The following GABRB1 variants were observed in gnomAD, a reference collection of about 807,000 sequenced individuals.
GABRB1 encodes the protein gamma-aminobutyric acid type A receptor subunit beta1.
In GABRB1, 17 loss-of-function variants were observed where a neutral mutation model predicts 51.6. That is an observed-to-expected ratio of 0.33 (90% CI 0.23 to 0.49). The LOEUF is 0.49. Among genes scored for constraint, GABRB1 ranks in the 20% least tolerant of loss-of-function variants. The pLI is 0.99. For missense variants in GABRB1, 410 were observed against 600.6 expected, an observed-to-expected ratio of 0.68 and a Z score of 3.32; for synonymous variants, 247 against 218.9, an observed-to-expected ratio of 1.13 and a Z score of -1.14.
chr4:47,285,433 T>A (rs541152609), intron 4 of GABRB1, among the ~76,000 whole-genome samples: 1 of 152,376 alleles, frequency 6.6e-6, no homozygotes, highest in East Asian at 1.9e-4. Flanking sequence ...GTTACATTTT[T>A]ATATAGAACG....
At chr4:47,344,930 C>T (rs1459692751) in intron 5 of GABRB1, among the ~76,000 whole-genome samples, 2 of 152,022 alleles carry the variant, frequency 1.3e-5, no homozygotes, top group Non-Finnish European at 2.9e-5. Flanking sequence ...ACCATGTTGG[C>T]TAGGCTGGTC....
At chr4:47,379,984 C>A (rs1727536591) in intron 5 of GABRB1, among the ~76,000 whole-genome samples, 1 of 152,234 alleles carries the variant, frequency 6.6e-6, no homozygotes, top group East Asian at 1.9e-4. Flanking sequence ...GTAAAAGGCC[C>A]AGTTCTATAC....
intron 5 of GABRB1, among the ~76,000 whole-genome samples, chr4:47,348,743 A>T (rs986970514): frequency 6.6e-6 from 1 of 152,206 alleles, no homozygotes; most frequent in Non-Finnish European, 1.5e-5. Context: ...AGTTAATATG[A>T]TAAGATTTGT....
intron 3 of GABRB1, among the ~76,000 whole-genome samples, 176 bp from the exon 4 acceptor site, chr4:47,161,073 A>G (rs950311987): frequency 2.6e-5 from 4 of 151,960 alleles, no homozygotes; most frequent in African/African-American, 9.7e-5. Context: ...AATTACAGAC[A>G]TGATCCACAG....
At chr4:47,320,105 T>G (rs1467696343) in intron 4 of GABRB1, 22 bp from the exon 5 acceptor site, 1 of 1,491,494 alleles carries the variant, frequency 6.7e-7, no homozygotes, top group Non-Finnish European at 9.4e-7. Context: ...ATGTTTTCTT[T>G]TTTCTCTCTC....
chr4:47,069,436 A>G (rs967228361), intron 3 of GABRB1, among the ~76,000 whole-genome samples: 1 of 152,192 alleles, frequency 6.6e-6, no homozygotes, highest in African/African-American at 2.4e-5. Flanking sequence ...CATTAAAAAT[A>G]TTTATGTTGA....
At chr4:47,294,542 G>A (rs897371084) in intron 4 of GABRB1, among the ~76,000 whole-genome samples, 29 of 152,370 alleles carry the variant, frequency 1.9e-4, no homozygotes, top group African/African-American at 5.5e-4. Flanking sequence ...AGGTGGCAGC[G>A]AGGCTGGGGG....
At chr4:47,137,528 A>C (rs971308471) in intron 3 of GABRB1, among the ~76,000 whole-genome samples, 3 of 152,166 alleles carry the variant, frequency 2.0e-5, no homozygotes, top group Admixed American at 2.0e-4. Flanking sequence ...ATACATAAAG[A>C]GAGTACAATC....
chr4:47,400,526 G>GTCTCTC (rs56896606), intron 5 of GABRB1, among the ~76,000 whole-genome samples: 7,083 of 117,866 alleles, frequency 0.06, 649 homozygotes, highest in African/African-American at 0.2. Context: ...CCAGGAGGTA[G>GTCTCTC]TCTCTCTCTC....
chr4:47,194,756 G>T (rs1192290467), intron 4 of GABRB1, among the ~76,000 whole-genome samples: 1 of 152,188 alleles, frequency 6.6e-6, no homozygotes, highest in African/African-American at 2.4e-5. Context: ...AGTGGGAGAA[G>T]ATTTGTTGTC....
intron 8 of GABRB1, among the ~76,000 whole-genome samples, chr4:47,409,517 G>A (rs1328357407): frequency 1.3e-5 from 2 of 152,090 alleles, no homozygotes; most frequent in African/African-American, 2.4e-5. Flanking sequence ...TCTCTATTAT[G>A]CCACTCTTCT....
intron 3 of GABRB1, among the ~76,000 whole-genome samples, chr4:47,085,434 T>C (rs1470898631): frequency 6.6e-6 from 1 of 152,256 alleles, no homozygotes; most frequent in East Asian, 1.9e-4. Flanking sequence ...ATTCACTTTG[T>C]ATTGAAGCAA....
At chr4:46,997,663 T>C (rs1156838368) in intron 1 of GABRB1, among the ~76,000 whole-genome samples, 3 of 152,122 alleles carry the variant, frequency 2.0e-5, no homozygotes, top group Non-Finnish European at 4.4e-5. Flanking sequence ...GGTTCATCCA[T>C]GTTGTTGCAA....
intron 4 of GABRB1, among the ~76,000 whole-genome samples, chr4:47,245,085 T>A (rs1267625608): frequency 2.0e-5 from 3 of 151,684 alleles, no homozygotes; most frequent in African/African-American, 7.3e-5. Context: ...TCAACAAAAT[T>A]GATAGACCGC....
At chr4:47,407,507 A>G (rs925123731) in intron 8 of GABRB1, among the ~76,000 whole-genome samples, 1 of 152,236 alleles carries the variant, frequency 6.6e-6, no homozygotes, top group African/African-American at 2.4e-5. Context: ...GGATGGAATT[A>G]AATTTAAATG....
intron 3 of GABRB1, among the ~76,000 whole-genome samples, chr4:47,145,019 A>T (rs1717096613): frequency 6.6e-6 from 1 of 151,714 alleles, no homozygotes; most frequent in Non-Finnish European, 1.5e-5. Flanking sequence ...AATAAACTTG[A>T]CTCCCCTTGG....
intron 3 of GABRB1, among the ~76,000 whole-genome samples, chr4:47,061,748 T>C (rs762523723): frequency 6.6e-6 from 1 of 152,156 alleles, no homozygotes; most frequent in African/African-American, 2.4e-5. Flanking sequence ...GGTGGTCTTC[T>C]TAGAATCTAA....
chr4:47,283,403 T>A (rs1411469705), intron 4 of GABRB1, among the ~76,000 whole-genome samples: 1 of 94,274 alleles, frequency 1.1e-5, no homozygotes, highest in Non-Finnish European at 2.0e-5. Context: ...TTTTTTTTTT[T>A]GAGACAGAGT....
chr4:47,126,975 G>A (rs1716173512), intron 3 of GABRB1, among the ~76,000 whole-genome samples: 1 of 151,674 alleles, frequency 6.6e-6, no homozygotes, highest in Non-Finnish European at 1.5e-5. Flanking sequence ...AGATAGATGA[G>A]GTACTAAAAA....
Sources: gnomAD v4.1 joint callset for allele counts (sites outside exome capture counted in the v4.1 genomes callset) on GRCh38, gnomAD v4.1.1 for gene constraint, MANE v1.5 for transcripts, NCBI Gene and HGNC (gene_info 2026-07-23, HGNC 2026-07-21) for gene names.